MAPK8IP3: variants seen among roughly 807,000 people sequenced by gnomAD.
MAPK8IP3 encodes mitogen-activated protein kinase 8 interacting protein 3.
Under a neutral mutation model 157.8 loss-of-function variants are expected in MAPK8IP3, and 49 were observed. That is an observed-to-expected ratio of 0.31 (90% CI 0.25 to 0.39). MAPK8IP3 has a LOEUF of 0.39. Ranked by LOEUF, MAPK8IP3 falls within the 10% of genes least tolerant of loss-of-function variation. The probability of loss-of-function intolerance (pLI) is 1.00; values close to 1 mark genes in which losing one functional copy is unlikely to be tolerated. For synonymous variants in MAPK8IP3, 897 were observed against 777.7 expected, an observed-to-expected ratio of 1.15 and a Z score of -2.55; for missense variants, 1,478 against 1,889.4, an observed-to-expected ratio of 0.78 and a Z score of 4.04.
In MAPK8IP3 at chr16:1,741,920, TC is replaced by T. The variant is rs1185183032; in HGVS notation, c.603-1411del. Among the ~76,000 whole-genome samples the T allele has an allele frequency of 6.6e-6, 1 of 152,070 alleles. No homozygotes were observed. Among genetic ancestry groups the T allele is most frequent in the Admixed American group, 6.5e-5 (1 of 15,270 alleles). ...AGAGACCCCTTCCCAGGGTCATTCT[TC>T]ATAGCTCCCCACCCAGGTAGCGGAG... On this transcript the variant is annotated intron_variant, in intron 4 of 31. Coordinates refer to ENST00000610761, the MANE Select transcript of MAPK8IP3 (RefSeq NM_001318852.2). This position sits in a 1 kb window ranked among gnomAD's most constrained non-coding sequence, Gnocchi z 6.9.
At chr16:1,717,110 C>T (rs761169994) in intron 1 of MAPK8IP3, among the ~76,000 whole-genome samples, 7 of 151,222 alleles carry the variant, frequency 4.6e-5, no homozygotes, top group Non-Finnish European at 7.4e-5. Flanking sequence ...TGCCTATAAT[C>T]CTAGCTACTC....
In MAPK8IP3 at chr16:1,769,029, C is replaced by G. The variant is rs1236557822; in HGVS notation, c.*205C>G. 14 of 613,176 alleles carry G rather than the reference C, an allele frequency of 2.3e-5. No homozygotes were observed. Among genetic ancestry groups the G allele is most frequent in the Non-Finnish European group, 3.1e-5 (11 of 352,138 alleles). 38.0% of individuals were successfully genotyped at this position (613,176 alleles called of 1,614,324 possible). On this transcript the variant is annotated 3_prime_UTR_variant, in exon 32 of 32. Coordinates refer to ENST00000610761, the MANE Select transcript of MAPK8IP3 (RefSeq NM_001318852.2). ...GGAGGAGGGGAGGGGAACTTCCACC[C>G]GAGGGGAAGATGCTCTCGGGACAGT... is the stretch of plus-strand genomic sequence containing the variant.
chr16:1,729,229 G>A (rs1168692072), intron 3 of MAPK8IP3, 21 bp downstream of exon 3: 10 of 1,613,248 alleles, frequency 6.2e-6, no homozygotes, highest in Non-Finnish European at 8.5e-6. Flanking sequence ...AGAGGCAAGC[G>A]CGGAGACGAG....
intron 4 of MAPK8IP3, among the ~76,000 whole-genome samples, chr16:1,738,127 ACTG>A: frequency 6.0e-5 from 3 of 50,176 alleles, no homozygotes; most frequent in African/African-American, 1.2e-4. Context: ...TGTGAGCGTG[ACTG>A]TCCGTGTGTG....
At chr16:1,763,029 T>A in intron 16 of MAPK8IP3, 23 bp downstream of exon 16, 1 of 1,611,850 alleles carries the variant, frequency 6.2e-7, no homozygotes, top group South Asian at 1.1e-5. Context: ...CAGCCCCCAC[T>A]TGTGGCCTGC....
chr16:1,760,667 C>T, intron 12 of MAPK8IP3, 135 bp downstream of exon 12: 1 of 1,111,526 alleles, frequency 9.0e-7, no homozygotes, highest in East Asian at 2.6e-5. Context: ...CTCCAGCTCA[C>T]AGCCACTCCA....
intron 8 of MAPK8IP3, among the ~76,000 whole-genome samples, chr16:1,755,494 G>A (rs891782279): frequency 6.6e-6 from 1 of 152,162 alleles, no homozygotes; most frequent in Non-Finnish European, 1.5e-5. Context: ...CTGCACTCCA[G>A]CGTGGGGGAC....
At chr16:1,764,561 C>A in intron 19 of MAPK8IP3, 102 bp downstream of exon 19, 1 of 1,457,654 alleles carries the variant, frequency 6.9e-7, no homozygotes, top group Non-Finnish European at 9.2e-7. Flanking sequence ...CTGGGGACAG[C>A]ACCCGGAAGC....
At chr16:1,740,111 ACCGT>A (rs567331630) in intron 4 of MAPK8IP3, among the ~76,000 whole-genome samples, 6 of 103,332 alleles carry the variant, frequency 5.8e-5, no homozygotes, top group African/African-American at 2.0e-4. Context: ...CATCCCTGTG[ACCGT>A]CCGTGTGAGC....
chr16:1,757,709 G>A (rs868672235), intron 8 of MAPK8IP3, among the ~76,000 whole-genome samples: 1 of 152,330 alleles, frequency 6.6e-6, no homozygotes, highest in Non-Finnish European at 1.5e-5. Flanking sequence ...TAGGAGTCCA[G>A]CTCCAGGCCT....
chr16:1,753,430 A>ATTAT (rs66609027), intron 8 of MAPK8IP3, among the ~76,000 whole-genome samples: 32 of 148,564 alleles, frequency 2.2e-4, no homozygotes, highest in Non-Finnish European at 3.0e-4. Flanking sequence ...CCCACATACC[A>ATTAT]TTATTTATTT....
At chr16:1,760,355 C>A in intron 11 of MAPK8IP3, 25 bp from the exon 12 acceptor site, 2 of 1,600,556 alleles carry the variant, frequency 1.2e-6, no homozygotes, top group Non-Finnish European at 1.7e-6. Flanking sequence ...GCCCGTGGCA[C>A]TCCCATCTTT....
intron 8 of MAPK8IP3, 186 bp downstream of exon 8, chr16:1,748,906 G>A (rs2041132152): frequency 1.4e-6 from 1 of 736,340 alleles, no homozygotes; most frequent in South Asian, 1.4e-5. Context: ...ATTGGTTTCT[G>A]GACTGCCCCA....
intron 4 of MAPK8IP3, among the ~76,000 whole-genome samples, chr16:1,733,554 A>T (rs966481250): frequency 1.1e-4 from 17 of 152,198 alleles, no homozygotes; most frequent in African/African-American, 4.1e-4. Context: ...GTGGGGCAGA[A>T]GGTGGCCCAG....
At chr16:1,762,223 G>C in intron 13 of MAPK8IP3, 128 bp from the exon 14 acceptor site, 1 of 1,283,990 alleles carries the variant, frequency 7.8e-7, no homozygotes, top group Non-Finnish European at 1.0e-6. Flanking sequence ...CCTCCACACC[G>C]CTTCTTGCCT....
intron 17 of MAPK8IP3, 37 bp downstream of exon 17, chr16:1,763,820 G>A: frequency 8.2e-7 from 1 of 1,219,636 alleles, no homozygotes; most frequent in East Asian, 4.3e-5. Context: ...GCGGGGCCCC[G>A]CAGAGGCGGG....
intron 4 of MAPK8IP3, among the ~76,000 whole-genome samples, chr16:1,735,290 C>T (rs1018848073): frequency 7.0e-6 from 1 of 142,440 alleles, no homozygotes; most frequent in African/African-American, 2.7e-5. Context: ...GAGTGTGCGA[C>T]GGTCCATGTG....
At chr16:1,761,875 G>A (rs1043252885) in intron 13 of MAPK8IP3, among the ~76,000 whole-genome samples, 8 of 152,238 alleles carry the variant, frequency 5.3e-5, no homozygotes, top group South Asian at 2.1e-4. Context: ...CGGGGCATGG[G>A]GATGCGGGGT....
intron 1 of MAPK8IP3, among the ~76,000 whole-genome samples, chr16:1,720,038 TTTTG>T (rs929188173): frequency 1.3e-5 from 2 of 152,048 alleles, no homozygotes; most frequent in African/African-American, 4.8e-5. Flanking sequence ...TGCACACAGC[TTTTG>T]TTTGTTTGTT....
Sources: allele counts gnomAD v4.1 joint callset (sites outside exome capture counted in the v4.1 genomes callset), GRCh38; gene constraint gnomAD v4.1.1; non-coding constraint Gnocchi (gnomAD v3.1); transcripts MANE v1.5; gene names NCBI Gene and HGNC (gene_info 2026-07-23, HGNC 2026-07-21).